Variants in JARID2 observed in about 807,000 individuals in gnomAD.
JARID2 encodes protein Jumonji.
Under a neutral mutation model 125.6 loss-of-function variants are expected in JARID2, and 21 were observed. The ratio of observed to expected loss-of-function variants is 0.17; its 90% CI spans 0.12 to 0.24. JARID2 has a LOEUF of 0.24. Ranked by LOEUF, JARID2 falls within the 10% of genes least tolerant of loss-of-function variation. The pLI, the probability that JARID2 is intolerant of heterozygous loss-of-function variation, is 1.00. For synonymous variants in JARID2, 736 were observed against 661.6 expected (o/e 1.11, Z -1.73); for missense variants, 1,303 against 1,639.6 (o/e 0.79, Z 3.55).
chr6:15,504,660 C>G, intron 9 of JARID2, 68 bp downstream of exon 9: 1 of 972,690 alleles, frequency 1.0e-6, no homozygotes, highest in Non-Finnish European at 1.7e-6. Context: ...GGAGGACATC[C>G]TGTCCTGCCC....
intron 3 of JARID2, among the ~76,000 whole-genome samples, chr6:15,420,585 A>C (rs1015812299): frequency 4.6e-5 from 7 of 152,152 alleles, no homozygotes; most frequent in African/African-American, 1.7e-4. Flanking sequence ...CCTCCTCATC[A>C]GTCATATTTT....
At chr6:15,348,390 A>T (rs1763315912) in intron 1 of JARID2, among the ~76,000 whole-genome samples, 2 of 152,124 alleles carry the variant, frequency 1.3e-5, no homozygotes, top group Non-Finnish European at 2.9e-5. Flanking sequence ...GCACCTGGCC[A>T]ATTATTTCTT....
chr6:15,463,161 C>A (rs1768533001), intron 4 of JARID2, among the ~76,000 whole-genome samples: 1 of 152,108 alleles, frequency 6.6e-6, no homozygotes, highest in Non-Finnish European at 1.5e-5. Flanking sequence ...TCTATATTGA[C>A]TATACTTTTA....
chr6:15,430,496 G>A (rs1208663259), intron 3 of JARID2, among the ~76,000 whole-genome samples: 1 of 152,000 alleles, frequency 6.6e-6, no homozygotes, highest in Non-Finnish European at 1.5e-5. Context: ...CTTTTGAGAT[G>A]TTGCTTCTCT....
intron 2 of JARID2, chr6:15,401,046 A>G (rs2127555305): frequency 2.3e-6 from 3 of 1,289,346 alleles, no homozygotes; most frequent in Non-Finnish European, 3.0e-6. Flanking sequence ...AAGACAAACC[A>G]AATAGCTCTA....
At chr6:15,323,639 C>G (rs983558748) in intron 1 of JARID2, among the ~76,000 whole-genome samples, 6 of 152,184 alleles carry the variant, frequency 3.9e-5, no homozygotes, top group African/African-American at 1.4e-4. Flanking sequence ...AAAGAAAATT[C>G]CTTTTGTTGG....
At chr6:15,323,102 A>T (rs1263491957) in intron 1 of JARID2, among the ~76,000 whole-genome samples, 3 of 152,222 alleles carry the variant, frequency 2.0e-5, no homozygotes, top group African/African-American at 7.2e-5. Flanking sequence ...AGGTTTCCTG[A>T]CACATTCATT....
At chr6:15,290,468 A>G (rs1012354176) in intron 1 of JARID2, among the ~76,000 whole-genome samples, 2 of 152,156 alleles carry the variant, frequency 1.3e-5, no homozygotes, top group Admixed American at 6.5e-5. Context: ...CACTTCTCCA[A>G]TGTCCTTGAA....
rs1283738793 is a variant in JARID2, at chr6:15,496,327, A to G, written c.1102A>G (p.Ser368Gly). The change falls in exon 7 of 18, where the codon AGT becomes GGT. Residue 368 changes from serine to glycine, a missense_variant. Ser to Gly is a moderately conservative substitution (Grantham distance 56). Coordinates refer to ENST00000341776, the MANE Select transcript of JARID2 (RefSeq NM_004973.4). Reference protein sequence around the residue: ...KDTKPNHHKPSSAVNHTISGK... With the variant: ...KDTKPNHHKPGSAVNHTISGK... ...CACCAAACCCAATCACCACAAGCCC[A>G]GTTCCGCTGTCAACCACACAATCTC... The G allele has an allele frequency of 3.7e-6, 6 of 1,614,110 alleles. No homozygotes were observed. Among genetic ancestry groups the G allele is most frequent in the East Asian group, 2.2e-5 (1 of 44,894 alleles).
rs186215529 is a variant in JARID2, at chr6:15,359,432, A to G, written c.46-14685A>G. 2.0e-5 allele frequency among the ~76,000 whole-genome samples: 3 copies of G among 151,834 alleles called. No individual in the cohort carries two copies. In the East Asian group the frequency reaches 5.8e-4, roughly 29 times the overall value. Reference sequence around the variant, plus strand: ...AAGTTCATTTCACTGCCACACACATATTTTTGATTTGCGGCCGCCTGAAAC... The same window carrying G: ...AAGTTCATTTCACTGCCACACACATGTTTTTGATTTGCGGCCGCCTGAAAC... On this transcript the variant is annotated intron_variant, in intron 1 of 17. Coordinates refer to ENST00000341776, the MANE Select transcript of JARID2 (RefSeq NM_004973.4).
intron 3 of JARID2, among the ~76,000 whole-genome samples, chr6:15,419,825 G>A (rs946987005): frequency 6.6e-6 from 1 of 152,158 alleles, no homozygotes; most frequent in Admixed American, 6.5e-5. Flanking sequence ...TAGGCAATTT[G>A]ATACGATGTG....
chr6:15,463,634 G>A (rs1364471581), intron 4 of JARID2, among the ~76,000 whole-genome samples: 1 of 151,948 alleles, frequency 6.6e-6, no homozygotes, highest in African/African-American at 2.4e-5. Flanking sequence ...GTTTCGCCAC[G>A]TGGGCCTGGC....
intron 3 of JARID2, among the ~76,000 whole-genome samples, chr6:15,443,685 A>C (rs1051905253): frequency 1.3e-5 from 2 of 152,200 alleles, no homozygotes; most frequent in African/African-American, 4.8e-5. Context: ...TTTATTACAG[A>C]AATTACTACA....
intron 1 of JARID2, among the ~76,000 whole-genome samples, chr6:15,270,482 G>A (rs1457530031): frequency 2.0e-5 from 3 of 152,178 alleles, no homozygotes; most frequent in Non-Finnish European, 4.4e-5. Context: ...TGGTTAGGTA[G>A]CTGCAATCCC....
intron 1 of JARID2, among the ~76,000 whole-genome samples, chr6:15,333,760 T>C (rs1762793404): frequency 6.6e-6 from 1 of 152,180 alleles, no homozygotes; most frequent in South Asian, 2.1e-4. Context: ...TTCTAGCTAT[T>C]TGAGTGCCAG....
intron 1 of JARID2, among the ~76,000 whole-genome samples, chr6:15,348,454 A>T (rs1179162386): frequency 6.6e-6 from 1 of 151,962 alleles, no homozygotes; most frequent in East Asian, 1.9e-4. Flanking sequence ...CTTTGTGTGG[A>T]GGGGTTCTCA....
chr6:15,380,180 C>T (rs1764525482), intron 2 of JARID2, among the ~76,000 whole-genome samples: 1 of 151,898 alleles, frequency 6.6e-6, no homozygotes, highest in Non-Finnish European at 1.5e-5. Flanking sequence ...GGATTACAGG[C>T]ATGTGCCACC....
At position 15,246,254 on chromosome 6, in the gene JARID2, G is replaced by T. The variant is rs1759180828; in HGVS notation, c.-286G>T. 3.1e-5 allele frequency: 15 copies of T among 476,410 alleles called. No homozygotes were observed. Among genetic ancestry groups the T allele is most frequent in the South Asian group, 3.6e-5 (1 of 28,110 alleles). 29.5% of individuals were successfully genotyped at this position (476,410 alleles called of 1,614,324 possible). On this transcript the variant is annotated 5_prime_UTR_variant, in exon 1 of 18. Coordinates refer to ENST00000341776, the MANE Select transcript of JARID2 (RefSeq NM_004973.4). ...GTGAAGGGCGTCGGTTTTTTTTTGT[G>T]TGTGTGTGTATGTGTTTCGGGGGAA...
At chr6:15,416,130 G>T (rs1766191549) in intron 3 of JARID2, among the ~76,000 whole-genome samples, 1 of 151,884 alleles carries the variant, frequency 6.6e-6, no homozygotes, top group East Asian at 1.9e-4. Flanking sequence ...TAGATGGGAT[G>T]GCGGCCGGGA....
Sources: gnomAD v4.1 joint callset for allele counts (sites outside exome capture counted in the v4.1 genomes callset) on GRCh38, gnomAD v4.1.1 for gene constraint, MANE v1.5 for transcripts, NCBI Gene and HGNC (gene_info 2026-07-23, HGNC 2026-07-21) for gene names.